RASA2: variants seen among roughly 807,000 people sequenced by gnomAD.
RASA2 encodes the protein RAS p21 protein activator 2.
In RASA2, 155 loss-of-function variants were observed where a neutral mutation model predicts 118.2. The ratio of observed to expected loss-of-function variants is 1.31; its 90% CI spans 1.15 to 1.50. The LOEUF (loss-of-function observed/expected upper bound fraction) is 1.50, where lower values mean the gene tolerates loss of function less well. Among genes scored for constraint, RASA2 ranks in the 40% most tolerant of loss-of-function variants. The pLI is 0.00. For synonymous variants in RASA2, 353 were observed against 349.1 expected, an observed-to-expected ratio of 1.01 and a Z score of -0.12; for missense variants, 1,016 against 1,009.6, an observed-to-expected ratio of 1.01 and a Z score of -0.09.
Position 141,527,428 on chromosome 3 carries a change from C to A in RASA2, c.356-2280C>A, listed in dbSNP as rs140597162. Among the ~76,000 whole-genome samples the A allele has an allele frequency of 1.7e-4, 26 of 152,100 alleles. No individual in the cohort carries two copies. The East Asian group carries it at 5.0e-3, about 29-fold the overall frequency. On this transcript the variant is annotated intron_variant, in intron 3 of 23. Transcript: ENST00000286364. ...AGAGGACATAAAAGATACACAGTTA[C>A]AAAGATTCTTAAAGGGAGGATAATG...
chr3:141,517,961 T>C (rs2082053516), intron 3 of RASA2, among the ~76,000 whole-genome samples: 2 of 151,878 alleles, frequency 1.3e-5, no homozygotes, highest in Non-Finnish European at 2.9e-5. Context: ...GGCCAATAAA[T>C]ATATTTCTTA....
intron 8 of RASA2, among the ~76,000 whole-genome samples, chr3:141,559,389 T>C (rs1209704673): frequency 6.6e-6 from 1 of 152,146 alleles, no homozygotes; most frequent in African/African-American, 2.4e-5. Context: ...GTTTGAAGTT[T>C]GTGCTGTTTC....
chr3:141,540,687 G>C, intron 5 of RASA2, 78 bp downstream of exon 5: 1 of 1,242,418 alleles, frequency 8.0e-7, no homozygotes, highest in African/African-American at 1.5e-5. Flanking sequence ...CCAACTCCTT[G>C]TTTTAACTTC....
At chr3:141,523,504 T>C (rs1382125436) in intron 3 of RASA2, among the ~76,000 whole-genome samples, 1 of 152,230 alleles carries the variant, frequency 6.6e-6, no homozygotes, top group South Asian at 2.1e-4. Context: ...ATATTAGGCA[T>C]CTTTATATGC....
intron 19 of RASA2, among the ~76,000 whole-genome samples, chr3:141,599,545 G>A (rs1194128211): frequency 6.6e-6 from 1 of 152,158 alleles, no homozygotes; most frequent in Non-Finnish European, 1.5e-5. Context: ...TATTCTGGCA[G>A]CAACATGCTA....
intron 5 of RASA2, among the ~76,000 whole-genome samples, chr3:141,542,375 T>C (rs1432745122): frequency 6.6e-6 from 1 of 152,200 alleles, no homozygotes; most frequent in Non-Finnish European, 1.5e-5. Context: ...TGGTGTGTTA[T>C]TTGTTTCTTG....
intron 19 of RASA2, among the ~76,000 whole-genome samples, 193 bp from the exon 20 acceptor site, chr3:141,607,485 A>C (rs953796210): frequency 6.6e-6 from 1 of 152,158 alleles, no homozygotes; most frequent in African/African-American, 2.4e-5. Context: ...AGCAGTGGTC[A>C]CTTTAGAAGA....
chr3:141,587,117 A>C, intron 19 of RASA2, among the ~76,000 whole-genome samples: 1 of 152,202 alleles, frequency 6.6e-6, no homozygotes, highest in East Asian at 1.9e-4. Context: ...AATAAATGAG[A>C]CTATTTCTGT....
rs76033134 is a variant in RASA2, at chr3:141,607,321, T to C, written c.1934-357T>C. 9.6e-3 allele frequency among the ~76,000 whole-genome samples: 1,468 copies of C among 152,276 alleles called. 32 individuals are homozygous for C. The highest frequency in any genetic ancestry group is 0.034 in the African/African-American group (1,418 of 41,580). On this transcript the variant is annotated intron_variant, in intron 19 of 23. Coordinates refer to ENST00000286364, the MANE Select transcript of RASA2 (RefSeq NM_006506.5). Reference sequence around the variant, plus strand: ...TAACTCCTCCATGAAAGAAAAGTCCTTGTCTAGGCAAGTTTTGAGTTGGCC... The same window carrying C: ...TAACTCCTCCATGAAAGAAAAGTCCCTGTCTAGGCAAGTTTTGAGTTGGCC...
intron 3 of RASA2, among the ~76,000 whole-genome samples, chr3:141,529,486 T>C (rs1408339156): frequency 2.6e-5 from 4 of 152,116 alleles, no homozygotes; most frequent in Non-Finnish European, 5.9e-5. Flanking sequence ...ATCCCCTGAT[T>C]CAAAATGACC....
In RASA2 at chr3:141,553,885, A is replaced by G. The variant is rs142830428; in HGVS notation, c.556A>G (p.Ile186Val). ...CAAGGCATGCCATGGGTTGCCTCTC[A>G]TAAATGGCCAAAGCTGTGACCCTTA... ...HIKACHGLPL[I>V]NGQSCDPYAT... is the part of the protein sequence containing the mutation. Residue 186 changes from isoleucine (I) to valine (V), a missense_variant, in exon 6 of 24, where the codon ATA becomes GTA. By Grantham distance (29) the Ile-to-Val change is conservative. Around this residue, in one of 2 missense-constraint regions of RASA2, gnomAD observed 896 missense variants for 836.4 expected, o/e 1.07. Transcript: ENST00000286364. The G allele has an allele frequency of 6.2e-7, 1 of 1,612,292 alleles. No individual in the cohort carries two copies. The highest frequency in any genetic ancestry group is 1.7e-5 in the Admixed American group (1 of 59,906).
chr3:141,597,985 A>G (rs749636357), intron 19 of RASA2, among the ~76,000 whole-genome samples: 40 of 152,138 alleles, frequency 2.6e-4, no homozygotes, highest in Non-Finnish European at 5.3e-4. Flanking sequence ...TTTCTTGGAA[A>G]ACAATTTACT....
chr3:141,524,782 G>C (rs1167997960), intron 3 of RASA2, among the ~76,000 whole-genome samples: 2 of 151,934 alleles, frequency 1.3e-5, no homozygotes, highest in Non-Finnish European at 2.9e-5. Context: ...GTAGAGATGG[G>C]GTTTCACCGT....
At chr3:141,552,541 T>A (rs1219074431) in intron 5 of RASA2, among the ~76,000 whole-genome samples, 1 of 152,192 alleles carries the variant, frequency 6.6e-6, no homozygotes, top group African/African-American at 2.4e-5. Context: ...AAGTGCATAG[T>A]AAACTGCAAA....
intron 3 of RASA2, among the ~76,000 whole-genome samples, chr3:141,516,914 C>T (rs1441226763): frequency 2.0e-5 from 3 of 152,132 alleles, no homozygotes; most frequent in Admixed American, 2.0e-4. Context: ...GCTGGGATTA[C>T]AGGCGTGTGC....
intron 19 of RASA2, among the ~76,000 whole-genome samples, chr3:141,598,573 G>A (rs543584945): frequency 6.6e-6 from 1 of 152,184 alleles, no homozygotes; most frequent in South Asian, 2.1e-4. Flanking sequence ...AGAAATAAAA[G>A]GCATATAGTG....
chr3:141,542,157 C>T (rs936770612), intron 5 of RASA2, among the ~76,000 whole-genome samples: 7 of 151,092 alleles, frequency 4.6e-5, no homozygotes, highest in Admixed American at 6.6e-5. Flanking sequence ...TAACAAAAGG[C>T]GTTACTCAGA....
chr3:141,581,063 T>G (rs2083105895), intron 16 of RASA2, 37 bp from the exon 17 acceptor site: 8 of 1,471,674 alleles, frequency 5.4e-6, no homozygotes, highest in African/African-American at 1.5e-5. Context: ...TAATTCTCTA[T>G]TTAACACATA....
At chr3:141,575,083 T>C (rs537295925) in intron 14 of RASA2, among the ~76,000 whole-genome samples, 1 of 152,328 alleles carries the variant, frequency 6.6e-6, no homozygotes, top group South Asian at 2.1e-4. Flanking sequence ...TCCAGATCTG[T>C]CTATAATGGG....
Sources: allele counts gnomAD v4.1 joint callset (sites outside exome capture counted in the v4.1 genomes callset), GRCh38; gene constraint gnomAD v4.1.1; regional missense constraint gnomAD v4.1.1; transcripts MANE v1.5; gene names NCBI Gene and HGNC (gene_info 2026-07-23, HGNC 2026-07-21).